REEP3: variants seen among roughly 807,000 people sequenced by gnomAD.
REEP3 encodes the protein receptor accessory protein 3.
In REEP3, 20 loss-of-function variants were observed where a neutral mutation model predicts 41.3. That is an observed-to-expected ratio of 0.48 (90% confidence interval 0.34 to 0.70). The LOEUF is 0.70. Ranked by LOEUF, REEP3 falls within the 30% of genes least tolerant of loss-of-function variation. The pLI is 0.01. For synonymous variants in REEP3, 104 were observed against 101.8 expected (o/e 1.02, Z -0.13); for missense variants, 271 against 308.8 (o/e 0.88, Z 0.92).
At chr10:63,525,546 G>A (rs1955354796) in intron 1 of REEP3, among the ~76,000 whole-genome samples, 1 of 152,008 alleles carries the variant, frequency 6.6e-6, no homozygotes, top group African/African-American at 2.4e-5. Context: ...AGCCTCCCAA[G>A]TGGCTGGGAT....
chr10:63,584,467 T>C (rs1312933179), intron 2 of REEP3, among the ~76,000 whole-genome samples: 3 of 148,318 alleles, frequency 2.0e-5, no homozygotes, highest in Admixed American at 6.8e-5. Flanking sequence ...TCAGCCACAG[T>C]CTCTAGTCAC....
chr10:63,594,071 A>G (rs1956089974), intron 2 of REEP3, among the ~76,000 whole-genome samples: 1 of 152,066 alleles, frequency 6.6e-6, no homozygotes, highest in Non-Finnish European at 1.5e-5. Flanking sequence ...ATACTATATT[A>G]TTTATGTAAC....
rs565086857 is a variant in REEP3 at position 63,578,401 on chromosome 10, T to G, written c.105+11991T>G. Among the ~76,000 whole-genome samples the G allele has an allele frequency of 1.5e-4, 23 of 152,298 alleles. 1 individual carries two copies. The South Asian group carries it at 4.1e-3, about 27-fold the overall frequency. ...GCGTGGGCCACAGCGCCCACCCGAT[T>G]TACTCTATAATATTAAGTAAGACTT... is the stretch of plus-strand genomic sequence containing the variant. On this transcript the variant is annotated intron_variant, in intron 2 of 7. Transcript: ENST00000373758.
chr10:63,614,432 G>C (rs974651945), intron 6 of REEP3, among the ~76,000 whole-genome samples: 2 of 152,188 alleles, frequency 1.3e-5, no homozygotes, highest in African/African-American at 4.8e-5. Context: ...AGCTGGGCTA[G>C]AGTCATAATC....
chr10:63,579,049 G>GC (rs1279969351), intron 2 of REEP3, among the ~76,000 whole-genome samples: 3 of 148,360 alleles, frequency 2.0e-5, no homozygotes, highest in Non-Finnish European at 4.5e-5. Flanking sequence ...TTTGGGGGGG[G>GC]GGAGATGGAG....
chr10:63,546,137 T>C (rs1336759819), intron 1 of REEP3, among the ~76,000 whole-genome samples: 3 of 152,176 alleles, frequency 2.0e-5, no homozygotes, highest in African/African-American at 7.2e-5. Flanking sequence ...TGGAACTGGC[T>C]CTGAGTGAGG....
chr10:63,566,746 G>A lies in REEP3; in HGVS notation c.105+336G>A, dbSNP rs368864413. Among the ~76,000 whole-genome samples the A allele has an allele frequency of 2.6e-5, 4 of 152,220 alleles. No homozygotes were observed. In the East Asian group the frequency reaches 5.8e-4, roughly 22 times the overall value. On this transcript the variant is annotated intron_variant, in intron 2 of 7. Coordinates refer to ENST00000373758, the MANE Select transcript of REEP3 (RefSeq NM_001001330.3). ...TGCCTTATAAATTTATAGGTACATT[G>A]AGAATATCTCTCTGGCCTCAAAGCT... is the stretch of plus-strand genomic sequence containing the variant.
chr10:63,583,489 A>G (rs1191570745), intron 2 of REEP3, among the ~76,000 whole-genome samples: 1 of 152,238 alleles, frequency 6.6e-6, no homozygotes, highest in Non-Finnish European at 1.5e-5. Flanking sequence ...AGTCAGCCAT[A>G]GCCTTGCCAG....
At chr10:63,615,960 C>A (rs796148815) in intron 6 of REEP3, among the ~76,000 whole-genome samples, 1 of 152,200 alleles carries the variant, frequency 6.6e-6, no homozygotes, top group Non-Finnish European at 1.5e-5. Context: ...TCCCCACTTA[C>A]GCTCCCTTCC....
intron 1 of REEP3, among the ~76,000 whole-genome samples, chr10:63,533,214 G>A (rs1955440562): frequency 6.6e-6 from 1 of 152,188 alleles, no homozygotes; most frequent in African/African-American, 2.4e-5. Flanking sequence ...TAGAAAATGT[G>A]GAATGCACTT....
chr10:63,537,815 G>A (rs1042681680), intron 1 of REEP3, among the ~76,000 whole-genome samples: 15 of 152,252 alleles, frequency 9.9e-5, no homozygotes, highest in South Asian at 2.1e-4. Context: ...CTATGAAATC[G>A]CCAGGCAGGC....
intron 2 of REEP3, among the ~76,000 whole-genome samples, chr10:63,580,447 TA>T (rs1236147673): frequency 1.3e-4 from 20 of 152,290 alleles, no homozygotes; most frequent in Admixed American, 2.6e-4. Context: ...ATAATAGCTT[TA>T]AAAGACTATT....
chr10:63,607,742 A>C (rs1369994616), intron 5 of REEP3, among the ~76,000 whole-genome samples: 1 of 152,254 alleles, frequency 6.6e-6, no homozygotes, highest in East Asian at 1.9e-4. Context: ...GTGTCTTAAA[A>C]GTCTTGCTCT....
chr10:63,549,793 G>A (rs1955611396), intron 1 of REEP3, among the ~76,000 whole-genome samples: 1 of 152,198 alleles, frequency 6.6e-6, no homozygotes, highest in South Asian at 2.1e-4. Context: ...GAGGAAGCTA[G>A]AATGATCCAC....
At chr10:63,536,453 T>G (rs1014579687) in intron 1 of REEP3, among the ~76,000 whole-genome samples, 1 of 152,162 alleles carries the variant, frequency 6.6e-6, no homozygotes, top group Non-Finnish European at 1.5e-5. Flanking sequence ...TAAAATATCC[T>G]CAGGATATAG....
intron 1 of REEP3, among the ~76,000 whole-genome samples, chr10:63,525,224 GAATGAC>G (rs1469931362): frequency 1.3e-5 from 2 of 152,158 alleles, no homozygotes; most frequent in Non-Finnish European, 2.9e-5. Context: ...TTAACCAGCT[GAATGAC>G]CCTGAGGCAG....
chr10:63,566,622 T>A (rs954912733), intron 2 of REEP3, among the ~76,000 whole-genome samples: 1 of 152,206 alleles, frequency 6.6e-6, no homozygotes, highest in Non-Finnish European at 1.5e-5. Flanking sequence ...CCAAGATGAG[T>A]AATTGAATAG....
At chr10:63,534,861 GAC>G (rs1297660121) in intron 1 of REEP3, among the ~76,000 whole-genome samples, 1 of 152,178 alleles carries the variant, frequency 6.6e-6, no homozygotes, top group Admixed American at 6.5e-5. Context: ...ACACTGCCTA[GAC>G]ACACTTTTTA....
At position 63,534,274 on chromosome 10, in the gene REEP3, A is replaced by T. The variant is rs573265149; in HGVS notation, c.32+12697A>T. Among the ~76,000 whole-genome samples, 6 of 151,872 alleles carry T rather than the reference A, an allele frequency of 4.0e-5. No individual in the cohort carries two copies. In the South Asian group the frequency reaches 1.2e-3, roughly 32 times the overall value. The stretch of plus-strand genomic sequence containing the variant: ...TATTTTTTTTTTGTTTTTTAGAGAC[A>T]GGGTCTCCCTCTGTTGCTCAGGCTA... On this transcript the variant is annotated intron_variant, in intron 1 of 7. Transcript: ENST00000373758.
Sources: allele counts gnomAD v4.1 joint callset (sites outside exome capture counted in the v4.1 genomes callset), GRCh38; gene constraint gnomAD v4.1.1; transcripts MANE v1.5; gene names NCBI Gene and HGNC (gene_info 2026-07-23, HGNC 2026-07-21).